The following PHF24 variants were observed in gnomAD, a reference collection of about 807,000 sequenced individuals.
PHF24 encodes PHD finger protein 24, also known as Galpha inhibitory interacting protein.
PHF24 carries 25 observed loss-of-function variants against 42.6 expected under a neutral mutation model. The observed-to-expected ratio is 0.59, with a 90% CI of 0.43 to 0.82. The LOEUF (loss-of-function observed/expected upper bound fraction) is 0.82, where lower values mean the gene tolerates loss of function less well. PHF24 is among the 40% of genes least tolerant of loss of function. The pLI is 0.00. For missense variants in PHF24, 470 were observed against 538.1 expected (o/e 0.87, Z 1.25); for synonymous variants, 185 against 204.8 (o/e 0.90, Z 0.83).
At chr9:34,670,368 T>G in the PHF24 span, among the ~76,000 whole-genome samples, 1 of 152,166 alleles carries the variant, frequency 6.6e-6, no homozygotes, top group African/African-American at 2.4e-5. Flanking sequence ...GGGACAGTCT[T>G]GTTGGGGACC....
the PHF24 span, among the ~76,000 whole-genome samples, chr9:34,822,517 G>T: frequency 3.3e-5 from 5 of 152,148 alleles, no homozygotes; most frequent in African/African-American, 1.2e-4. Flanking sequence ...TCCAAAAAGA[G>T]ATTCTATACC....
At chr9:34,841,199 C>T in the PHF24 span, among the ~76,000 whole-genome samples, 1 of 152,096 alleles carries the variant, frequency 6.6e-6, no homozygotes, top group Non-Finnish European at 1.5e-5. Context: ...CGGGATTTCA[C>T]CGTGTTAGCC....
the PHF24 span, among the ~76,000 whole-genome samples, chr9:34,758,310 C>A: frequency 6.6e-6 from 1 of 152,054 alleles, no homozygotes; most frequent in Non-Finnish European, 1.5e-5. This position sits in a 1 kb window ranked among gnomAD's most constrained non-coding sequence, Gnocchi z 4.4. Flanking sequence ...ACTCCACCAG[C>A]CTGTGGGCAT....
chr9:34,685,121 G>T, the PHF24 span, among the ~76,000 whole-genome samples: 1 of 152,174 alleles, frequency 6.6e-6, no homozygotes, highest in South Asian at 2.1e-4. Flanking sequence ...GAGGTCCTCT[G>T]CCACCTGCCG....
At chr9:34,963,507 T>C (rs1826667182) in intron 1 of PHF24, among the ~76,000 whole-genome samples, 1 of 152,184 alleles carries the variant, frequency 6.6e-6, no homozygotes. Context: ...CACTTGTATG[T>C]GCAGATACTG....
At chr9:34,932,798 T>TA in the PHF24 span, among the ~76,000 whole-genome samples, 2 of 151,670 alleles carry the variant, frequency 1.3e-5, no homozygotes, top group Non-Finnish European at 2.9e-5. Context: ...CCTGTCACTA[T>TA]AAAAAATACT....
At chr9:34,774,067 C>T in the PHF24 span, among the ~76,000 whole-genome samples, 1 of 152,124 alleles carries the variant, frequency 6.6e-6, no homozygotes, top group Non-Finnish European at 1.5e-5. Flanking sequence ...GCAGCTGGAC[C>T]TTTAGCTTAT....
At chr9:34,942,099 C>T in the PHF24 span, among the ~76,000 whole-genome samples, 10 of 152,306 alleles carry the variant, frequency 6.6e-5, no homozygotes, top group East Asian at 1.7e-3. Flanking sequence ...TTAACATAAC[C>T]TTCATACTGC....
chr9:34,857,872 T>C, the PHF24 span, among the ~76,000 whole-genome samples: 1 of 152,218 alleles, frequency 6.6e-6, no homozygotes, highest in African/African-American at 2.4e-5. Flanking sequence ...TATTTTTTAG[T>C]GTCAGAATTT....
the PHF24 span, among the ~76,000 whole-genome samples, chr9:34,909,916 C>T: frequency 3.3e-5 from 5 of 152,132 alleles, no homozygotes; most frequent in South Asian, 4.1e-4. Context: ...CGTGAGCCAC[C>T]GCGCCCAGCC....
chr9:34,971,395 T>G, exon 2 of PHF24: 1 of 1,614,104 alleles, frequency 6.2e-7, no homozygotes, highest in Non-Finnish European at 8.5e-7. Context: ...GGACAGGCCT[T>G]CCATCCGACG....
the PHF24 span, chr9:34,709,468 T>C: frequency 3.1e-6 from 5 of 1,613,356 alleles, no homozygotes. Flanking sequence ...TGACTGAGGC[T>C]CCCCTTTACC....
the PHF24 span, among the ~76,000 whole-genome samples, chr9:34,933,514 G>A: frequency 1.2e-4 from 19 of 152,072 alleles, no homozygotes; most frequent in Admixed American, 3.9e-4. Flanking sequence ...CACGAGGTGA[G>A]GAGATGGAGA....
At chr9:34,832,442 AGCTGG>A in the PHF24 span, 1 of 1,438,462 alleles carries the variant, frequency 7.0e-7, no homozygotes, top group Non-Finnish European at 9.5e-7. Context: ...CATCCAAGAA[AGCTGG>A]GCCCATCAGC....
At chr9:34,947,233 A>C in the PHF24 span, among the ~76,000 whole-genome samples, 1 of 152,358 alleles carries the variant, frequency 6.6e-6, no homozygotes, top group South Asian at 2.1e-4. Flanking sequence ...ATTTACAGCT[A>C]TGTGCTGCAT....
chr9:34,840,979 A>G, the PHF24 span, among the ~76,000 whole-genome samples: 14 of 151,900 alleles, frequency 9.2e-5, no homozygotes, highest in African/African-American at 3.4e-4. Flanking sequence ...CAATTGTAGA[A>G]ATTCACACTT....
At chr9:34,676,807 G>A in the PHF24 span, among the ~76,000 whole-genome samples, 192 of 152,296 alleles carry the variant, frequency 1.3e-3, no homozygotes, top group African/African-American at 4.4e-3. Context: ...TATGGCAGGG[G>A]AAGGAGCAAG....
At chr9:34,777,061 A>T in the PHF24 span, among the ~76,000 whole-genome samples, 1 of 151,970 alleles carries the variant, frequency 6.6e-6, no homozygotes, top group Non-Finnish European at 1.5e-5. Flanking sequence ...TTTTCTGGGG[A>T]TGGGGATGCC....
chr9:34,727,069 C>T, the PHF24 span: 1 of 1,480,094 alleles, frequency 6.8e-7, no homozygotes, highest in African/African-American at 1.4e-5. Flanking sequence ...TGGGCACTCT[C>T]CTTTCCCAGT....
Sources: gnomAD v4.1 joint callset for allele counts (sites outside exome capture counted in the v4.1 genomes callset) on GRCh38, gnomAD v4.1.1 for gene constraint, Gnocchi (gnomAD v3.1) non-coding constraint, MANE v1.5 for transcripts, NCBI Gene and HGNC (gene_info 2026-07-23, HGNC 2026-07-21) for gene names.